CCSER1: variants seen among roughly 807,000 people sequenced by gnomAD.
CCSER1 encodes serine-rich coiled-coil domain-containing protein 1.
Under a neutral mutation model 82.0 loss-of-function variants are expected in CCSER1, and 41 were observed. The ratio of observed to expected loss-of-function variants is 0.50; its 90% CI spans 0.39 to 0.65. The LOEUF (loss-of-function observed/expected upper bound fraction) is 0.65, where lower values mean the gene tolerates loss of function less well. Among genes scored for constraint, CCSER1 ranks in the 30% least tolerant of loss-of-function variants. The pLI is 0.00. For missense variants in CCSER1, 1,119 were observed against 1,064.2 expected (o/e 1.05, Z -0.72); for synonymous variants, 414 against 383.9 (o/e 1.08, Z -0.92).
At chr4:90,536,181 C>T (rs964253694) in intron 5 of CCSER1, among the ~76,000 whole-genome samples, 20 of 151,666 alleles carry the variant, frequency 1.3e-4, no homozygotes, top group Non-Finnish European at 2.1e-4. Flanking sequence ...TATAGGTGCC[C>T]GCCACCACAC....
chr4:90,811,300 T>C (rs1021189061), intron 7 of CCSER1, among the ~76,000 whole-genome samples: 1 of 152,082 alleles, frequency 6.6e-6, no homozygotes, highest in African/African-American at 2.4e-5. Flanking sequence ...AGTGAGGAGG[T>C]TGAAAGTCAA....
rs1268690345 is a variant in CCSER1, at chr4:91,047,239, TAC to T, written c.2173-38697_2173-38696del. On this transcript the variant is annotated intron_variant, in intron 9 of 10. Transcript: ENST00000509176. ...GTTTGATATCCAAAGCATATATATA[TAC>T]ACACACACACACATATATATATTTC... is the stretch of plus-strand genomic sequence containing the variant. 2.0e-4 allele frequency among the ~76,000 whole-genome samples: 31 copies of T among 151,624 alleles called. No individual in the cohort carries two copies. In the South Asian group the frequency reaches 3.8e-3, roughly 18 times the overall value.
At chr4:90,686,664 G>A (rs1734862602) in intron 6 of CCSER1, among the ~76,000 whole-genome samples, 1 of 152,050 alleles carries the variant, frequency 6.6e-6, no homozygotes, top group Non-Finnish European at 1.5e-5. Flanking sequence ...AAAGCTGCAA[G>A]AAGTAGCCAA....
At chr4:90,691,539 A>G (rs1297774075) in intron 6 of CCSER1, among the ~76,000 whole-genome samples, 6 of 141,294 alleles carry the variant, frequency 4.2e-5, no homozygotes, top group African/African-American at 1.5e-4. Context: ...CACGTATAAT[A>G]CATGTGTACA....
chr4:90,507,308 A>G (rs1327155664), intron 5 of CCSER1, among the ~76,000 whole-genome samples: 1 of 125,098 alleles, frequency 8.0e-6, no homozygotes, highest in Non-Finnish European at 1.6e-5. Flanking sequence ...TGAAAAATGC[A>G]AAAAAAAAAA....
At chr4:91,325,223 G>A in intron 10 of CCSER1, 2 of 455,662 alleles carry the variant, frequency 4.4e-6, no homozygotes, top group South Asian at 1.5e-5. Flanking sequence ...AATTAGATAT[G>A]GCTGTTGCAC....
At chr4:90,723,774 C>T (rs751075405) in intron 6 of CCSER1, 140 bp from the exon 7 acceptor site, 17 of 409,940 alleles carry the variant, frequency 4.1e-5, no homozygotes, top group Non-Finnish European at 7.1e-5. Context: ...ATGATTAAAT[C>T]TACGTTAAAT....
intron 8 of CCSER1, among the ~76,000 whole-genome samples, chr4:90,854,044 T>C (rs1009274526): frequency 6.6e-6 from 1 of 152,164 alleles, no homozygotes; most frequent in African/African-American, 2.4e-5. Flanking sequence ...TTACAGTGAA[T>C]TTGAATTATC....
chr4:91,494,710 T>A (rs1477624486), intron 10 of CCSER1, among the ~76,000 whole-genome samples: 5 of 151,790 alleles, frequency 3.3e-5, no homozygotes. Flanking sequence ...TAGTAATGCT[T>A]AATCATTCAT....
chr4:90,774,439 A>G (rs780924015), intron 7 of CCSER1, among the ~76,000 whole-genome samples: 1 of 152,136 alleles, frequency 6.6e-6, no homozygotes, highest in African/African-American at 2.4e-5. Flanking sequence ...GTTAGTTACT[A>G]ACATTTTCAT....
chr4:91,107,698 A>G (rs1377269320), intron 10 of CCSER1, among the ~76,000 whole-genome samples: 1 of 148,344 alleles, frequency 6.7e-6, no homozygotes, highest in African/African-American at 2.5e-5. Context: ...TAAAAGCACC[A>G]TTTAGCCTAT....
intron 8 of CCSER1, among the ~76,000 whole-genome samples, chr4:90,852,530 A>T (rs1299972451): frequency 1.3e-5 from 2 of 152,240 alleles, no homozygotes; most frequent in Non-Finnish European, 2.9e-5. Flanking sequence ...GCTTAGTGAC[A>T]GAGAAGCTGC....
At chr4:90,620,434 T>G (rs546096229) in intron 5 of CCSER1, among the ~76,000 whole-genome samples, 2 of 152,262 alleles carry the variant, frequency 1.3e-5, no homozygotes, top group African/African-American at 2.4e-5. Flanking sequence ...TATACTAAAT[T>G]TGATTAGTCT....
intron 8 of CCSER1, among the ~76,000 whole-genome samples, chr4:90,829,550 C>T (rs903225238): frequency 8.5e-5 from 13 of 152,126 alleles, no homozygotes; most frequent in African/African-American, 2.9e-4. Context: ...TGTATGGGTC[C>T]ATAGTAACTT....
rs868230018 is a variant in CCSER1 at position 90,326,311 on chromosome 4, C to T, written c.1509+13264C>T. ...TCCTGACCTCGTGATCCTCCTGCCT[C>T]GGCCTCCCAGAGTGCTGGGATTACA... On this transcript the variant is annotated intron_variant, in intron 3 of 10. Coordinates refer to ENST00000509176, the MANE Select transcript of CCSER1 (RefSeq NM_001145065.2). 2.4e-4 allele frequency among the ~76,000 whole-genome samples: 37 copies of T among 152,156 alleles called. No individual in the cohort carries two copies. The Middle Eastern group carries it at 0.01, about 42-fold the overall frequency.
chr4:91,410,769 T>A (rs896333110), intron 10 of CCSER1, among the ~76,000 whole-genome samples: 9 of 152,174 alleles, frequency 5.9e-5, no homozygotes, highest in Admixed American at 4.6e-4. Context: ...CAATGAAATG[T>A]CAATTTAGGA....
rs1390079223 is a variant in CCSER1, at chr4:90,191,097, GT to G, written c.-42+63267del. The stretch of plus-strand genomic sequence containing the variant: ...TTTCTCTTTGGACTAGCTTGATTGA[GT>G]GATTATTTCTGTTCATAATGCATTA... On this transcript the variant is annotated intron_variant, in intron 1 of 10. Transcript: ENST00000509176. Among the ~76,000 whole-genome samples, 9 of 152,014 alleles carry G rather than the reference GT, an allele frequency of 5.9e-5. No homozygotes were observed. The East Asian group carries it at 1.8e-3, about 30-fold the overall frequency.
intron 10 of CCSER1, among the ~76,000 whole-genome samples, chr4:91,121,881 G>T (rs956109576): frequency 6.6e-6 from 1 of 150,950 alleles, no homozygotes; most frequent in African/African-American, 2.4e-5. Context: ...TAGAAATATA[G>T]ATAAATATTG....
chr4:90,313,169 G>T, intron 3 of CCSER1, 122 bp downstream of exon 3: 1 of 846,864 alleles, frequency 1.2e-6, no homozygotes, highest in Non-Finnish European at 1.8e-6. Flanking sequence ...GGGAAAATTT[G>T]TTTCCATAGT....
Sources: gnomAD v4.1 joint callset for allele counts (sites outside exome capture counted in the v4.1 genomes callset) on GRCh38, gnomAD v4.1.1 for gene constraint, MANE v1.5 for transcripts, NCBI Gene and HGNC (gene_info 2026-07-23, HGNC 2026-07-21) for gene names.